PRIM2: variants seen among roughly 807,000 people sequenced by gnomAD.
PRIM2 encodes DNA primase large subunit.
PRIM2 carries 39 observed loss-of-function variants against 67.3 expected under a neutral mutation model. That is an observed-to-expected ratio of 0.58 (90% CI 0.45 to 0.76). The LOEUF (loss-of-function observed/expected upper bound fraction) is 0.76, where lower values mean the gene tolerates loss of function less well. Ranked by LOEUF, PRIM2 falls within the 30% of genes least tolerant of loss-of-function variation. PRIM2 has a pLI of 0.00. For synonymous variants in PRIM2, 143 were observed against 198.7 expected (o/e 0.72, Z 2.36); for missense variants, 398 against 598.7 (o/e 0.66, Z 3.50).
chr6:57,284,825 C>A, the PRIM2 span, among the ~76,000 whole-genome samples: 1 of 151,938 alleles, frequency 6.6e-6, no homozygotes, highest in East Asian at 1.9e-4. Flanking sequence ...TAAAGATATT[C>A]ATTGCAACCC....
chr6:57,248,624 C>T, the PRIM2 span, among the ~76,000 whole-genome samples: 3 of 152,094 alleles, frequency 2.0e-5, no homozygotes, highest in African/African-American at 7.2e-5. Context: ...AAGTAGTGGC[C>T]CACTACCAGT....
intron 10 of PRIM2, among the ~76,000 whole-genome samples, chr6:57,541,163 G>C (rs1298540514): frequency 6.6e-6 from 1 of 152,206 alleles, no homozygotes; most frequent in Non-Finnish European, 1.5e-5. Flanking sequence ...ATGTCAGACA[G>C]ATGGTTCATC....
the PRIM2 span, among the ~76,000 whole-genome samples, chr6:57,297,191 C>T: frequency 6.6e-6 from 1 of 152,058 alleles, no homozygotes; most frequent in Admixed American, 6.5e-5. Context: ...CCTGTAATCC[C>T]AGCACTTTGG....
intron 8 of PRIM2, 148 bp downstream of exon 8, chr6:57,507,602 ATACCATG>A (rs1774276870): frequency 1.0e-6 from 1 of 1,000,264 alleles, no homozygotes. Flanking sequence ...GAAGTTCTTA[ATACCATG>A]TACTTGTTAC....
At chr6:57,359,780 G>C (rs1769138812) in intron 5 of PRIM2, among the ~76,000 whole-genome samples, 1 of 152,118 alleles carries the variant, frequency 6.6e-6, no homozygotes, top group African/African-American at 2.4e-5. Flanking sequence ...TAGTTGAGTG[G>C]AGAAGACAAC....
At chr6:57,433,536 C>T (rs1472606610) in intron 7 of PRIM2, among the ~76,000 whole-genome samples, 1 of 152,050 alleles carries the variant, frequency 6.6e-6, no homozygotes, top group African/African-American at 2.4e-5. Context: ...TGTCCACTTT[C>T]GGAATCCTTA....
chr6:57,577,427 ATTTT>A (rs1161633688), intron 10 of PRIM2, among the ~76,000 whole-genome samples: 3 of 121,674 alleles, frequency 2.5e-5, no homozygotes, highest in Non-Finnish European at 5.1e-5. Flanking sequence ...TGGTATATAA[ATTTT>A]TTTTTTTTTT....
At chr6:57,411,238 G>T (rs1432360987) in intron 7 of PRIM2, among the ~76,000 whole-genome samples, 1 of 151,994 alleles carries the variant, frequency 6.6e-6, no homozygotes, top group Non-Finnish European at 1.5e-5. Flanking sequence ...TGCAGATGTC[G>T]CTATGCTTCT....
intron 7 of PRIM2, among the ~76,000 whole-genome samples, chr6:57,422,814 A>T (rs957030235): frequency 1.3e-5 from 2 of 152,146 alleles, no homozygotes; most frequent in Non-Finnish European, 2.9e-5. Flanking sequence ...GACCTTTCAG[A>T]ATAAATTGGC....
At chr6:57,458,462 T>A (rs113211734) in intron 7 of PRIM2, among the ~76,000 whole-genome samples, 16,241 of 152,136 alleles carry the variant, frequency 0.11, 969 homozygotes, top group East Asian at 0.22. Flanking sequence ...GGTGGGCAGA[T>A]CACCTGAGGT....
intron 5 of PRIM2, among the ~76,000 whole-genome samples, chr6:57,328,686 T>C (rs1430497600): frequency 6.6e-6 from 1 of 152,192 alleles, no homozygotes; most frequent in Non-Finnish European, 1.5e-5. Context: ...TACCTAGGAG[T>C]AGAATTGCTA....
intron 5 of PRIM2, among the ~76,000 whole-genome samples, chr6:57,375,523 G>A (rs1769732162): frequency 6.6e-6 from 1 of 151,986 alleles, no homozygotes; most frequent in Non-Finnish European, 1.5e-5. Context: ...TTGGCCTGAT[G>A]TTTTCCTTTT....
At chr6:57,372,518 A>T (rs1033344954) in intron 5 of PRIM2, among the ~76,000 whole-genome samples, 1 of 152,192 alleles carries the variant, frequency 6.6e-6, no homozygotes, top group Non-Finnish European at 1.5e-5. Flanking sequence ...TGACACAACT[A>T]AACTTCATCC....
At chr6:57,436,474 C>G (rs1239638986) in intron 7 of PRIM2, among the ~76,000 whole-genome samples, 1 of 152,140 alleles carries the variant, frequency 6.6e-6, no homozygotes, top group Non-Finnish European at 1.5e-5. Flanking sequence ...ATTTTAGTCA[C>G]AAACCTTATA....
At chr6:57,533,472 A>G (rs1277107089) in intron 9 of PRIM2, among the ~76,000 whole-genome samples, 13,963 of 152,268 alleles carry the variant, frequency 0.092, 726 homozygotes, top group East Asian at 0.2. Context: ...GAAAAATTAT[A>G]AAAAAGTACT....
chr6:57,615,405 A>C (rs1180161381), intron 12 of PRIM2, among the ~76,000 whole-genome samples: 1 of 145,906 alleles, frequency 6.9e-6, no homozygotes, highest in African/African-American at 2.6e-5. Flanking sequence ...TGGGCCACAG[A>C]GTGAGATTCT....
At chr6:57,297,281 A>C in the PRIM2 span, among the ~76,000 whole-genome samples, 6 of 152,046 alleles carry the variant, frequency 3.9e-5, no homozygotes, top group African/African-American at 1.4e-4. Flanking sequence ...GCCTCCACTA[A>C]AAATACAAAA....
At chr6:57,234,551 T>C in the PRIM2 span, among the ~76,000 whole-genome samples, 3 of 152,274 alleles carry the variant, frequency 2.0e-5, no homozygotes, top group Admixed American at 1.3e-4. Context: ...TGAGATGGAG[T>C]CTCGCTTTGT....
rs1235619130 is a variant in PRIM2 at position 57,320,467 on chromosome 6, A to G, written c.165A>G (p.Ser55=). ...TTTTCTTTTTTTTAGTGTTAAAATC[A>G]GTTGAAAATCTTGGAGTGAGCTATG... The part of the protein sequence containing the change: ...LAIDRVKLLK[S]VENLGVSYVK... The change falls in exon 3 of 14, where the codon TCA becomes TCG. Residue 55 remains serine, a synonymous_variant. Coordinates refer to ENST00000615550, the MANE Select transcript of PRIM2 (RefSeq NM_000947.5). 2 of 1,599,600 alleles carry G rather than the reference A, an allele frequency of 1.3e-6. No homozygotes were observed. Among genetic ancestry groups the G allele is most frequent in the African/African-American group, 1.3e-5 (1 of 74,466 alleles).
Sources: allele counts gnomAD v4.1 joint callset (sites outside exome capture counted in the v4.1 genomes callset), GRCh38; gene constraint gnomAD v4.1.1; transcripts MANE v1.5; gene names NCBI Gene and HGNC (gene_info 2026-07-23, HGNC 2026-07-21).